GALNT17: variants seen among roughly 807,000 people sequenced by gnomAD.
GALNT17 encodes polypeptide N-acetylgalactosaminyltransferase 17.
In GALNT17, 29 loss-of-function variants were observed where a neutral mutation model predicts 63.7. The observed-to-expected ratio is 0.46, with a 90% CI of 0.34 to 0.62. The LOEUF (loss-of-function observed/expected upper bound fraction) is 0.62, where lower values mean the gene tolerates loss of function less well. Ranked by LOEUF, GALNT17 falls within the 20% of genes least tolerant of loss-of-function variation. GALNT17 has a pLI of 0.01. For synonymous variants in GALNT17, 305 were observed against 318.3 expected (o/e 0.96, Z 0.45); for missense variants, 603 against 799.6 (o/e 0.75, Z 2.97).
intron 5 of GALNT17, among the ~76,000 whole-genome samples, chr7:71,514,696 T>C (rs1788418085): frequency 6.6e-6 from 1 of 152,238 alleles, no homozygotes; most frequent in South Asian, 2.1e-4. Context: ...CTGTCTCTAA[T>C]GGCTTCATTT....
At chr7:71,595,833 T>G (rs903109659) in intron 6 of GALNT17, among the ~76,000 whole-genome samples, 3 of 152,100 alleles carry the variant, frequency 2.0e-5, no homozygotes, top group African/African-American at 7.2e-5. Context: ...ATGGTCAACA[T>G]GACACGCAGG....
intron 5 of GALNT17, among the ~76,000 whole-genome samples, chr7:71,560,622 GT>G (rs1789240477): frequency 6.6e-6 from 1 of 152,216 alleles, no homozygotes; most frequent in South Asian, 2.1e-4. Flanking sequence ...CAGCACCCAG[GT>G]TGCATGTGAT....
chr7:71,547,226 G>A (rs886690315), intron 5 of GALNT17, among the ~76,000 whole-genome samples: 1 of 151,744 alleles, frequency 6.6e-6, no homozygotes. Context: ...GTGCAGTGGC[G>A]CGATCTTGGC....
chr7:71,517,934 A>G (rs1254479572), intron 5 of GALNT17, among the ~76,000 whole-genome samples: 1 of 152,214 alleles, frequency 6.6e-6, no homozygotes, highest in Non-Finnish European at 1.5e-5. Flanking sequence ...GACAGGAACA[A>G]TGAGCTGTGG....
intron 3 of GALNT17, among the ~76,000 whole-genome samples, chr7:71,400,182 G>A (rs1793214921): frequency 6.6e-6 from 1 of 151,734 alleles, no homozygotes; most frequent in Non-Finnish European, 1.5e-5. Flanking sequence ...CCCAGTGTGT[G>A]ATGCTCCCCT....
At chr7:71,298,837 G>C (rs577996406) in intron 1 of GALNT17, among the ~76,000 whole-genome samples, 1 of 151,992 alleles carries the variant, frequency 6.6e-6, no homozygotes. Flanking sequence ...GAGTTTGGTA[G>C]CCCAATTCAA....
intron 1 of GALNT17, among the ~76,000 whole-genome samples, chr7:71,309,504 G>A (rs968346461): frequency 2.6e-5 from 4 of 152,100 alleles, no homozygotes; most frequent in East Asian, 1.9e-4. Context: ...CCATGCCTTC[G>A]TCTGGGTTCG....
chr7:71,516,727 A>T (rs928666359), intron 5 of GALNT17, among the ~76,000 whole-genome samples: 5 of 152,152 alleles, frequency 3.3e-5, no homozygotes, highest in African/African-American at 1.2e-4. Context: ...CTGCCTACCA[A>T]GCCTGTGCCA....
chr7:71,699,672 G>T lies in GALNT17; in HGVS notation c.1501-11089G>T, dbSNP rs147058583. Among the ~76,000 whole-genome samples, 766 of 152,030 alleles carry T rather than the reference G, an allele frequency of 5.0e-3. 3 individuals are homozygous for T. Among genetic ancestry groups the T allele is most frequent in the Admixed American group, 7.9e-3 (120 of 15,266 alleles). On this transcript the variant is annotated intron_variant, in intron 9 of 10. Transcript: ENST00000333538. ...ATGCGGCCTGGACACAGTGGCTCAT[G>T]CCTGTAATCCCAACACTTTGAGATG...
At chr7:71,555,898 C>T (rs907674838) in intron 5 of GALNT17, among the ~76,000 whole-genome samples, 1 of 152,194 alleles carries the variant, frequency 6.6e-6, no homozygotes, top group African/African-American at 2.4e-5. Flanking sequence ...GCTTGAAATC[C>T]GGGCTTAGGG....
chr7:71,525,532 C>T (rs1283368989), intron 5 of GALNT17, among the ~76,000 whole-genome samples: 2 of 151,540 alleles, frequency 1.3e-5, no homozygotes, highest in Non-Finnish European at 2.9e-5. Context: ...ATGAGTAAGT[C>T]TCATGAGATC....
At chr7:71,397,770 G>A (rs2960877) in intron 3 of GALNT17, among the ~76,000 whole-genome samples, 38,315 of 152,004 alleles carry the variant, frequency 0.25, 6,691 homozygotes, top group African/African-American at 0.51. Flanking sequence ...TATTTTGGTG[G>A]AACACAACAC....
chr7:71,273,716 A>G (rs1050764878), intron 1 of GALNT17, among the ~76,000 whole-genome samples: 1 of 152,210 alleles, frequency 6.6e-6, no homozygotes, highest in Non-Finnish European at 1.5e-5. Flanking sequence ...AGAACATAGG[A>G]AAAGAGAGTG....
In GALNT17 at chr7:71,135,422, T is replaced by C. The variant is rs191860607; in HGVS notation, c.238+2382T>C. On this transcript the variant is annotated intron_variant, in intron 1 of 10. Coordinates refer to ENST00000333538, the MANE Select transcript of GALNT17 (RefSeq NM_022479.3). ...CACAGACATACATGAACCCACTGAA[T>C]CTTTACAATGACTTGCGAGATGGGT... Among the ~76,000 whole-genome samples the C allele has an allele frequency of 2.0e-5, 3 of 152,258 alleles. No homozygotes were observed. The East Asian group carries it at 5.8e-4, about 29-fold the overall frequency.
chr7:71,449,460 CATT>C (rs756226474), intron 5 of GALNT17, among the ~76,000 whole-genome samples: 19 of 151,972 alleles, frequency 1.3e-4, no homozygotes, highest in Non-Finnish European at 2.4e-4. Flanking sequence ...TATTTCCTAT[CATT>C]ATATGTATAT....
intron 8 of GALNT17, among the ~76,000 whole-genome samples, chr7:71,672,681 A>G (rs1443853835): frequency 2.0e-5 from 3 of 152,146 alleles, no homozygotes; most frequent in Non-Finnish European, 4.4e-5. Flanking sequence ...CCTCCCGAGT[A>G]GCTGGGATTA....
At chr7:71,545,351 G>C (rs1475450261) in intron 5 of GALNT17, among the ~76,000 whole-genome samples, 1 of 151,752 alleles carries the variant, frequency 6.6e-6, no homozygotes, top group Non-Finnish European at 1.5e-5. Flanking sequence ...CGGTTTTTTG[G>C]TTTGCTTGTT....
Position 71,132,692 on chromosome 7 carries a change from G to C in GALNT17, c.-111G>C. The C allele has an allele frequency of 3.3e-6, 3 of 903,840 alleles. No individual in the cohort carries two copies. The South Asian group carries it at 5.4e-5, about 16-fold the overall frequency. 56.0% of individuals were successfully genotyped at this position (903,840 alleles called of 1,614,324 possible). On this transcript the variant is annotated 5_prime_UTR_variant, in exon 1 of 11. Transcript: ENST00000333538. ...TTGAGGTGGGACGAGCAGGGGCTTGGATCCCTGCCGGCCGTCTGGTGTGTG... is the reference window on the plus strand; with the variant it reads ...TTGAGGTGGGACGAGCAGGGGCTTGCATCCCTGCCGGCCGTCTGGTGTGTG...
At chr7:71,211,849 G>A (rs113825728) in intron 1 of GALNT17, among the ~76,000 whole-genome samples, 4,234 of 152,242 alleles carry the variant, frequency 0.028, 197 homozygotes, top group African/African-American at 0.095. Context: ...AGTATCTGGC[G>A]GAAGAAATTT....
Sources: gnomAD v4.1 joint callset for allele counts (sites outside exome capture counted in the v4.1 genomes callset) on GRCh38, gnomAD v4.1.1 for gene constraint, MANE v1.5 for transcripts, NCBI Gene and HGNC (gene_info 2026-07-23, HGNC 2026-07-21) for gene names.